The following GSN variants were observed in gnomAD, a reference collection of about 807,000 sequenced individuals.
GSN encodes the protein gelsolin, also known as actin-depolymerizing factor.
In GSN, 56 loss-of-function variants were observed where a neutral mutation model predicts 85.7. The ratio of observed to expected loss-of-function variants is 0.65; its 90% CI spans 0.53 to 0.82. GSN has a LOEUF of 0.82. Ranked by LOEUF, GSN falls within the 40% of genes least tolerant of loss-of-function variation. The pLI, the probability that GSN is intolerant of heterozygous loss-of-function variation, is 0.00. For missense variants in GSN, 857 were observed against 979.8 expected (o/e 0.87, Z 1.67); for synonymous variants, 373 against 399.1 (o/e 0.93, Z 0.78).
chr9:121,310,771 G>A lies in GSN; in HGVS notation c.439G>A (p.Val147Ile). The A allele has an allele frequency of 6.2e-7, 1 of 1,614,186 alleles. No homozygotes were observed. The highest frequency in any genetic ancestry group is 8.5e-7 in the Non-Finnish European group (1 of 1,180,026). Residue 147 changes from valine (V) to isoleucine (I), a missense_variant, in exon 5 of 18, where the codon GTC (valine) becomes ATC (isoleucine). Transcript: ENST00000432226. Reference sequence around the variant, plus strand: ...CTTCCAGGTCAAAGGGCGGCGTGTGGTCCGTGCCACCGAGGTACCTGTGTC... The same window carrying A: ...CTTCCAGGTCAAAGGGCGGCGTGTGATCCGTGCCACCGAGGTACCTGTGTC... ...RLFQVKGRRV[V>I]RATEVPVSWE...
intron 2 of GSN, among the ~76,000 whole-genome samples, chr9:121,290,072 C>T (rs1184914220): frequency 1.3e-5 from 2 of 151,930 alleles, no homozygotes; most frequent in Non-Finnish European, 2.9e-5. Flanking sequence ...TTGGTCTCTG[C>T]TCTGGTCTCA....
At chr9:121,325,806 G>A (rs548315355) in intron 12 of GSN, among the ~76,000 whole-genome samples, 3 of 152,086 alleles carry the variant, frequency 2.0e-5, no homozygotes, top group Admixed American at 1.3e-4. Flanking sequence ...ATCCTTGGCT[G>A]CATTTTTCAG....
intron 4 of GSN, among the ~76,000 whole-genome samples, chr9:121,306,875 T>C (rs1165981458): frequency 6.6e-6 from 1 of 152,234 alleles, no homozygotes; most frequent in Non-Finnish European, 1.5e-5. Flanking sequence ...CTGCAATAAT[T>C]CAACATCAAG....
chr9:121,300,715 C>T (rs562288672), intron 2 of GSN, among the ~76,000 whole-genome samples: 1 of 152,310 alleles, frequency 6.6e-6, no homozygotes, highest in South Asian at 2.1e-4. Flanking sequence ...CCAACAGCCT[C>T]CTGCAGACCC....
intron 4 of GSN, among the ~76,000 whole-genome samples, chr9:121,223,694 C>G (rs1204901666): frequency 1.3e-5 from 2 of 152,112 alleles, no homozygotes; most frequent in African/African-American, 4.8e-5. Flanking sequence ...GAGTCTCACT[C>G]TGTTGTCTAG....
rs146112795 is a variant in GSN at position 121,314,006 on chromosome 9, C to T, written c.736C>T (p.Leu246=). 1.9e-5 allele frequency: 30 copies of T among 1,613,564 alleles called. No homozygotes were observed. The African/African-American group carries it at 1.9e-4, about 10-fold the overall frequency. The change falls in exon 7 of 18, where the codon CTG becomes TTG. Residue 246 remains leucine, a synonymous_variant. Transcript: ENST00000432226. The part of the protein sequence containing the change: ...TAKEDAANRK[L]AKLYKVSNGA... Reference sequence around the variant, plus strand: ...CAAGGAGGATGCGGCCAACCGCAAGCTGGCCAAGCTCTACAAGGTGAGCAC... The same window carrying T: ...CAAGGAGGATGCGGCCAACCGCAAGTTGGCCAAGCTCTACAAGGTGAGCAC...
Position 121,317,118 on chromosome 9 carries a change from C to T in GSN, c.786C>T (p.Ser262=), listed in dbSNP as rs546357006. ...VSNGAGTMSV[S]LVADENPFAQ... is the part of the protein sequence containing the mutation. ...ATGGTGCAGGGACCATGTCCGTCTC[C>T]CTCGTGGCTGATGAGAACCCCTTCG... is the stretch of plus-strand genomic sequence containing the variant. The change falls in exon 8 of 18, where the codon TCC becomes TCT. Residue 262 remains serine (S), a synonymous_variant. Transcript: ENST00000432226. 264 of 1,614,194 alleles carry T rather than the reference C, an allele frequency of 1.6e-4. 2 individuals carry two copies. The South Asian group carries it at 2.5e-3, about 15-fold the overall frequency.
intron 4 of GSN, among the ~76,000 whole-genome samples, chr9:121,214,697 G>T (rs2054027984): frequency 6.6e-6 from 1 of 152,118 alleles, no homozygotes; most frequent in Non-Finnish European, 1.5e-5. Flanking sequence ...CGGAGCTCTT[G>T]TCCAAGGTCT....
upstream of GSN, among the ~76,000 whole-genome samples, chr9:121,265,494 G>A (rs777230880): frequency 5.9e-5 from 9 of 152,118 alleles, no homozygotes; most frequent in South Asian, 2.1e-4. Flanking sequence ...TTTTTCTGCC[G>A]TCCACTCCTC....
Position 121,328,993 on chromosome 9 carries a change from C to T in GSN, c.1865C>T (p.Ser622Phe). 1 of 1,613,960 alleles carries T rather than the reference C, an allele frequency of 6.2e-7. No homozygotes were observed. The highest frequency in any genetic ancestry group is 8.5e-7 in the Non-Finnish European group (1 of 1,180,020). Reference sequence around the variant, plus strand: ...CATCCTCCTCGCCTCTTTGCCTGCTCCAACAAGATTGGACGTTTTGTGGTG... The same window carrying T: ...CATCCTCCTCGCCTCTTTGCCTGCTTCAACAAGATTGGACGTTTTGTGGTG... Reference protein sequence around the residue: ...DAHPPRLFACSNKIGRFVIEE... With the variant: ...DAHPPRLFACFNKIGRFVIEE... The change falls in exon 15 of 18, where the codon TCC (serine) becomes TTC (phenylalanine). Residue 622 changes from serine to phenylalanine, a missense_variant. Ser to Phe is a radical substitution (Grantham distance 155). Transcript: ENST00000432226.
chr9:121,312,688 C>T (rs758604373), intron 6 of GSN, 200 bp downstream of exon 6: 11 of 460,338 alleles, frequency 2.4e-5, no homozygotes, highest in Middle Eastern at 6.0e-4. Context: ...AGTGCAGGGG[C>T]GCCATCACAG....
rs1419226510 is a variant in GSN, at chr9:121,311,101, CT to C, written c.513+261del. 1.3e-5 allele frequency: 7 copies of C among 535,822 alleles called. No homozygotes were observed. The East Asian group carries it at 2.0e-4, about 15-fold the overall frequency. The allele number at this position is 535,822 out of a possible 1,614,324, so 33.2% of individuals were successfully genotyped here. On this transcript the variant is annotated intron_variant, in intron 5 of 17. Coordinates refer to ENST00000432226, the MANE Select transcript of GSN (RefSeq NM_198252.3). ...TCTGTTCATATGTACGTCTTGTGTC[CT>C]TTTTCACATGCTTATAAATATATAA...
chr9:121,205,941 T>G (rs1032345889), upstream of GSN, among the ~76,000 whole-genome samples: 1 of 152,116 alleles, frequency 6.6e-6, no homozygotes, highest in African/African-American at 2.4e-5. Context: ...TTTCCTCTTA[T>G]GCTTGTGAAT....
At chr9:121,249,890 T>C (rs10513364) in intron 6 of GSN, among the ~76,000 whole-genome samples, 5,784 of 152,302 alleles carry the variant, frequency 0.038, 308 homozygotes, top group Admixed American at 0.14. Flanking sequence ...CTTTGGCTGA[T>C]GATTCAAGTG....
intron 10 of GSN, among the ~76,000 whole-genome samples, chr9:121,319,580 C>A (rs777647273): frequency 6.6e-6 from 1 of 151,956 alleles, no homozygotes; most frequent in African/African-American, 2.4e-5. Context: ...GCCTCGGCCC[C>A]CCAAAGTGTT....
chr9:121,256,886 A>G (rs2054973550), intron 6 of GSN, among the ~76,000 whole-genome samples: 1 of 152,180 alleles, frequency 6.6e-6, no homozygotes, highest in African/African-American at 2.4e-5. Context: ...ATGAGACTCC[A>G]TCTCAAAAAA....
intron 4 of GSN, among the ~76,000 whole-genome samples, chr9:121,221,890 C>T (rs1002565674): frequency 6.6e-6 from 1 of 152,152 alleles, no homozygotes; most frequent in African/African-American, 2.4e-5. Flanking sequence ...TGCCTAAGTG[C>T]GTTATGTCAG....
chr9:121,224,974 A>G (rs1218257275), intron 4 of GSN, among the ~76,000 whole-genome samples: 3 of 152,008 alleles, frequency 2.0e-5, no homozygotes, highest in Non-Finnish European at 4.4e-5. Flanking sequence ...GCATGCCACT[A>G]CGCTGGATAA....
chr9:121,299,947 C>G lies in GSN; in HGVS notation c.-9-2016C>G. 7.9e-7 allele frequency: 1 copy of G among 1,265,652 alleles called. No homozygotes were observed. The highest frequency in any genetic ancestry group is 1.0e-6 in the Non-Finnish European group (1 of 1,004,250). 78.4% of individuals were successfully genotyped at this position (1,265,652 alleles called of 1,614,324 possible). Reference sequence around the variant, plus strand: ...CTGTCGCTGCCCGTCCGCGCGGCCACTGCGTCGCGGGGGGCGTCCCAGGCG... The same window carrying G: ...CTGTCGCTGCCCGTCCGCGCGGCCAGTGCGTCGCGGGGGGCGTCCCAGGCG... On this transcript the variant is annotated intron_variant, in intron 2 of 17. Transcript: ENST00000432226. The surrounding 1 kb of genome is among the most constrained non-coding windows in gnomAD (Gnocchi z 4.2).
Sources: allele counts gnomAD v4.1 joint callset (sites outside exome capture counted in the v4.1 genomes callset), GRCh38; gene constraint gnomAD v4.1.1; non-coding constraint Gnocchi (gnomAD v3.1); transcripts MANE v1.5; gene names NCBI Gene and HGNC (gene_info 2026-07-23, HGNC 2026-07-21).